Variants in NLN observed in about 807,000 individuals in gnomAD.
NLN encodes neurolysin, mitochondrial.
In NLN, 64 loss-of-function variants were observed where a neutral mutation model predicts 79.9. The observed-to-expected ratio is 0.80, with a 90% confidence interval of 0.65 to 0.99. The LOEUF (loss-of-function observed/expected upper bound fraction) is 0.99. Among genes scored for constraint, NLN ranks in the 50% least tolerant of loss-of-function variants. The probability of loss-of-function intolerance (pLI) is 0.00; values close to 1 mark genes in which losing one functional copy is unlikely to be tolerated. For missense variants in NLN, 835 were observed against 858.7 expected (o/e 0.97, Z 0.34); for synonymous variants, 267 against 296.6 (o/e 0.90, Z 1.02).
intron 3 of NLN, among the ~76,000 whole-genome samples, chr5:65,765,256 G>A (rs751891262): frequency 6.6e-6 from 1 of 152,182 alleles, no homozygotes; most frequent in Non-Finnish European, 1.5e-5. Context: ...GGTGGCTCAC[G>A]CCTGTAATCC....
chr5:65,791,813 T>C (rs1459042385), intron 8 of NLN, among the ~76,000 whole-genome samples: 2 of 152,220 alleles, frequency 1.3e-5, no homozygotes, highest in Non-Finnish European at 2.9e-5. Flanking sequence ...TGAAGTCTGA[T>C]AGCTTTTGGA....
At chr5:65,819,298 T>C (rs1428682769) in intron 12 of NLN, among the ~76,000 whole-genome samples, 1 of 152,060 alleles carries the variant, frequency 6.6e-6, no homozygotes, top group Non-Finnish European at 1.5e-5. Flanking sequence ...GGTTTGTTGA[T>C]TACCACTCTA....
intron 12 of NLN, 101 bp from the exon 13 acceptor site, chr5:65,822,680 A>T: frequency 1.2e-6 from 1 of 825,312 alleles, no homozygotes; most frequent in Non-Finnish European, 2.1e-6. Context: ...GTAAGGCTAA[A>T]GTCCTTTTTC....
At chr5:65,806,601 TG>T (rs1174444944) in intron 9 of NLN, among the ~76,000 whole-genome samples, 2 of 152,180 alleles carry the variant, frequency 1.3e-5, no homozygotes, top group Admixed American at 6.5e-5. Flanking sequence ...GATGAGGAGT[TG>T]CTTCTTAAGG....
intron 12 of NLN, among the ~76,000 whole-genome samples, chr5:65,818,394 C>G (rs187192301): frequency 1.3e-5 from 2 of 152,166 alleles, no homozygotes; most frequent in Non-Finnish European, 2.9e-5. Flanking sequence ...TCTACCCCCC[C>G]ATACATACTC....
At chr5:65,793,040 T>C (rs972200903) in intron 9 of NLN, 1 of 355,700 alleles carries the variant, frequency 2.8e-6, no homozygotes, top group African/African-American at 2.1e-5. Flanking sequence ...GGTTTTTCAA[T>C]CCTCTTAGAC....
chr5:65,731,925 A>G (rs1486845337), intron 1 of NLN, among the ~76,000 whole-genome samples: 3 of 151,146 alleles, frequency 2.0e-5, no homozygotes, highest in East Asian at 1.9e-4. Flanking sequence ...TAATTTTTGT[A>G]TTATTTGTAG....
intron 1 of NLN, among the ~76,000 whole-genome samples, chr5:65,732,563 G>C (rs1183331174): frequency 7.1e-6 from 1 of 141,572 alleles, no homozygotes; most frequent in Non-Finnish European, 1.6e-5. Context: ...AAAAGTAGTT[G>C]ACATGAGAAA....
intron 1 of NLN, among the ~76,000 whole-genome samples, chr5:65,726,181 A>G (rs1758466298): frequency 6.6e-6 from 1 of 152,238 alleles, no homozygotes; most frequent in South Asian, 2.1e-4. Context: ...ACCAATTGCA[A>G]AAGTGCTTTT....
At chr5:65,816,868 C>T (rs1028964693) in intron 12 of NLN, among the ~76,000 whole-genome samples, 2 of 152,120 alleles carry the variant, frequency 1.3e-5, no homozygotes, top group Non-Finnish European at 1.5e-5. Context: ...GAGAAGGTAG[C>T]GGGATGGCCC....
intron 1 of NLN, among the ~76,000 whole-genome samples, chr5:65,739,412 T>G (rs1561180718): frequency 6.6e-6 from 1 of 152,168 alleles, no homozygotes; most frequent in East Asian, 1.9e-4. Context: ...CTATATCCAT[T>G]TGTCAGCTGA....
chr5:65,788,928 C>T (rs1248424868), intron 8 of NLN, among the ~76,000 whole-genome samples: 2 of 150,742 alleles, frequency 1.3e-5, no homozygotes, highest in East Asian at 3.9e-4. Context: ...GCCAAGATTG[C>T]AACACTGCAC....
At position 65,829,073 on chromosome 5, in the gene NLN, A is replaced by G. The variant is rs1160284463; in HGVS notation, c.*6158A>G. ...GTTCGTTTTCCTCCCTACAGAATTT[A>G]CAGTTACTCTCTGTCCATTCCACTC... is the stretch of plus-strand genomic sequence containing the variant. On this transcript the variant is annotated 3_prime_UTR_variant, in exon 13 of 13. Coordinates refer to ENST00000380985, the MANE Select transcript of NLN (RefSeq NM_020726.5). 2 of 152,184 alleles carry G rather than the reference A, an allele frequency of 1.3e-5. No individual in the cohort carries two copies. The highest frequency in any genetic ancestry group is 2.9e-5 in the Non-Finnish European group (2 of 68,044). The allele number at this position is 152,184 out of a possible 1,614,324, so 9.4% of individuals were successfully genotyped here. A position where few individuals can be genotyped will look rare whatever the true frequency, so the allele number is the denominator to read the frequency against.
chr5:65,784,752 A>G (rs865798227), intron 6 of NLN, among the ~76,000 whole-genome samples: 2 of 152,198 alleles, frequency 1.3e-5, no homozygotes, highest in Middle Eastern at 3.2e-3. Context: ...ATTTTTCTGC[A>G]GCCATCACCT....
At chr5:65,725,860 C>T (rs2150730768) in intron 1 of NLN, among the ~76,000 whole-genome samples, 1 of 152,322 alleles carries the variant, frequency 6.6e-6, no homozygotes, top group Non-Finnish European at 1.5e-5. Context: ...CGCCTGTAAT[C>T]CCAGCACTTT....
intron 2 of NLN, among the ~76,000 whole-genome samples, chr5:65,760,739 G>A (rs1370020118): frequency 6.6e-6 from 1 of 152,074 alleles, no homozygotes; most frequent in Non-Finnish European, 1.5e-5. Flanking sequence ...TCTCATGTAT[G>A]TTGCCCACTC....
intron 11 of NLN, among the ~76,000 whole-genome samples, chr5:65,810,588 C>G (rs1049101418): frequency 2.6e-5 from 4 of 152,050 alleles, no homozygotes; most frequent in African/African-American, 7.2e-5. Flanking sequence ...AGCATTTATC[C>G]TTTGTGTTAC....
At chr5:65,754,735 C>G (rs897994959) in intron 1 of NLN, among the ~76,000 whole-genome samples, 1 of 152,134 alleles carries the variant, frequency 6.6e-6, no homozygotes, top group Non-Finnish European at 1.5e-5. Context: ...TCTTTTCCCC[C>G]AGAGGCCCCC....
In NLN at chr5:65,732,397, A is replaced by C. The variant is rs1350205879; in HGVS notation, c.41+9983A>C. ...AGGAAGTGTGTTTGAAGTTAATATG[A>C]TGAAACTTACACTTCATATAGAGGA... On this transcript the variant is annotated intron_variant, in intron 1 of 12. Transcript: ENST00000380985. 5.7e-5 allele frequency among the ~76,000 whole-genome samples: 8 copies of C among 139,462 alleles called. 2 individuals are homozygous for C. The highest frequency in any genetic ancestry group is 2.2e-4 in the African/African-American group (8 of 36,646). 91.5% of individuals were successfully genotyped at this position (139,462 alleles called of 152,430 possible).
Sources: allele counts gnomAD v4.1 joint callset (sites outside exome capture counted in the v4.1 genomes callset), GRCh38; gene constraint gnomAD v4.1.1; transcripts MANE v1.5; gene names NCBI Gene and HGNC (gene_info 2026-07-23, HGNC 2026-07-21).